MARCHF1: variants seen among roughly 807,000 people sequenced by gnomAD.
The protein encoded by MARCHF1 is E3 ubiquitin-protein ligase MARCHF1.
Under a neutral mutation model 54.2 loss-of-function variants are expected in MARCHF1, and 40 were observed. The ratio of observed to expected loss-of-function variants is 0.74; its 90% CI spans 0.57 to 0.96. MARCHF1 has a LOEUF of 0.96. MARCHF1 is among the 40% of genes least tolerant of loss of function. The probability of loss-of-function intolerance (pLI) is 0.00; values close to 1 mark genes in which losing one functional copy is unlikely to be tolerated. For missense variants in MARCHF1, 586 were observed against 656.5 expected (o/e 0.89, Z 1.17); for synonymous variants, 236 against 236.3 (o/e 1.00, Z 0.01).
intron 1 of MARCHF1, among the ~76,000 whole-genome samples, chr4:164,331,641 CATT>C (rs1735436578): frequency 6.6e-6 from 1 of 152,110 alleles, no homozygotes; most frequent in Non-Finnish European, 1.5e-5. Context: ...TAATTTATCC[CATT>C]TTCCTTCCTT....
rs73868960 is a variant in MARCHF1 at position 163,942,693 on chromosome 4, G to A, written c.-39+45808C>T. On this transcript the variant is annotated intron_variant, in intron 3 of 9. Transcript: ENST00000514618. ...TTCAATATGGCCCTGCACACAAAAT[G>A]TTTTTCCCCTATTTATTCCTCCCCA... Among the ~76,000 whole-genome samples, 662 of 152,210 alleles carry A rather than the reference G, an allele frequency of 4.3e-3. 8 individuals carry two copies. The highest frequency in any genetic ancestry group is 0.015 in the African/African-American group (641 of 41,556).
At chr4:163,698,317 T>G (rs1228674673) in intron 5 of MARCHF1, among the ~76,000 whole-genome samples, 1 of 152,198 alleles carries the variant, frequency 6.6e-6, no homozygotes, top group Non-Finnish European at 1.5e-5. Context: ...ACTTCATGAT[T>G]GAAAAATTAT....
At chr4:163,836,401 A>G (rs181054374) in intron 4 of MARCHF1, among the ~76,000 whole-genome samples, 4,607 of 147,042 alleles carry the variant, frequency 0.031, 202 homozygotes, top group African/African-American at 0.095. Flanking sequence ...ACCCGCCACC[A>G]CGCCCGGCTA....
intron 9 of MARCHF1, among the ~76,000 whole-genome samples, chr4:163,540,705 T>A (rs1372465803): frequency 6.6e-6 from 1 of 152,184 alleles, no homozygotes; most frequent in Non-Finnish European, 1.5e-5. Flanking sequence ...AAAACTGAGC[T>A]TCAGAGTGAT....
At chr4:164,255,898 T>A (rs1733266900) in intron 1 of MARCHF1, among the ~76,000 whole-genome samples, 1 of 152,100 alleles carries the variant, frequency 6.6e-6, no homozygotes, top group East Asian at 1.9e-4. Flanking sequence ...ATAATAAACT[T>A]AATTGCTTTG....
intron 7 of MARCHF1, among the ~76,000 whole-genome samples, chr4:163,600,517 C>G (rs1348382722): frequency 2.0e-5 from 3 of 152,126 alleles, no homozygotes. Context: ...CTGTGGAATG[C>G]TGATTGGAAC....
intron 5 of MARCHF1, among the ~76,000 whole-genome samples, chr4:163,649,310 A>G (rs752813871): frequency 2.5e-4 from 38 of 152,060 alleles, no homozygotes; most frequent in Non-Finnish European, 1.0e-4. Context: ...AGCTACTCTA[A>G]GTTTACTGTC....
intron 1 of MARCHF1, among the ~76,000 whole-genome samples, chr4:164,359,123 A>G (rs1197023268): frequency 6.6e-6 from 1 of 152,160 alleles, no homozygotes; most frequent in East Asian, 1.9e-4. Context: ...TAGGAAAGCA[A>G]TTCTGTTGCT....
intron 4 of MARCHF1, among the ~76,000 whole-genome samples, chr4:163,849,190 T>C (rs1749574631): frequency 2.0e-5 from 3 of 152,206 alleles, no homozygotes; most frequent in African/African-American, 7.2e-5. Context: ...GTTTCACAAG[T>C]TATTACCTAA....
At chr4:164,183,824 T>C (rs1019475528) in intron 1 of MARCHF1, among the ~76,000 whole-genome samples, 2 of 152,038 alleles carry the variant, frequency 1.3e-5, no homozygotes, top group Non-Finnish European at 2.9e-5. Context: ...TATGGGAGCA[T>C]ATAACAGGGA....
chr4:164,294,258 C>T (rs1266216324), intron 1 of MARCHF1, among the ~76,000 whole-genome samples: 1 of 152,192 alleles, frequency 6.6e-6, no homozygotes, highest in Non-Finnish European at 1.5e-5. Flanking sequence ...TTGCAGACAG[C>T]CCACTGTGGC....
intron 1 of MARCHF1, among the ~76,000 whole-genome samples, chr4:164,349,166 G>A (rs1730204746): frequency 6.6e-6 from 1 of 152,078 alleles, no homozygotes; most frequent in East Asian, 1.9e-4. Flanking sequence ...AAATAGATCT[G>A]CCCTGACTCA....
chr4:163,853,968 T>C, intron 4 of MARCHF1, 53 bp downstream of exon 4: 1 of 1,488,796 alleles, frequency 6.7e-7, no homozygotes, highest in Non-Finnish European at 9.0e-7. Flanking sequence ...CACATTTCTT[T>C]AGCATTCTAT....
At chr4:164,173,878 C>A (rs1160725) in intron 1 of MARCHF1, among the ~76,000 whole-genome samples, 97,307 of 151,992 alleles carry the variant, frequency 0.64, 34,192 homozygotes, top group Non-Finnish European at 0.82. Flanking sequence ...TAGAGCATGG[C>A]AAGAGCAGAC....
chr4:164,147,832 AG>A (rs1224831016), intron 1 of MARCHF1, among the ~76,000 whole-genome samples: 1,923 of 134,178 alleles, frequency 0.014, 40 homozygotes, highest in African/African-American at 0.054. Flanking sequence ...TAATAAAAAA[AG>A]TCAATAAAAA....
At chr4:163,820,607 T>A (rs763550107) in intron 4 of MARCHF1, among the ~76,000 whole-genome samples, 1 of 152,050 alleles carries the variant, frequency 6.6e-6, no homozygotes, top group African/African-American at 2.4e-5. Context: ...CTTTCTCACA[T>A]TCTATCCAAA....
intron 2 of MARCHF1, among the ~76,000 whole-genome samples, chr4:164,077,098 C>G (rs1754997494): frequency 6.6e-6 from 1 of 152,088 alleles, no homozygotes. Context: ...AAGAACAAAG[C>G]TGGAGGCATC....
At chr4:163,923,399 T>A (rs181990738) in intron 3 of MARCHF1, among the ~76,000 whole-genome samples, 4 of 152,238 alleles carry the variant, frequency 2.6e-5, no homozygotes, top group Admixed American at 1.3e-4. Flanking sequence ...CCTTTCTACA[T>A]GTTAACAGCA....
chr4:163,949,207 A>G (rs895379041), intron 3 of MARCHF1, among the ~76,000 whole-genome samples: 2 of 152,214 alleles, frequency 1.3e-5, no homozygotes, highest in South Asian at 4.1e-4. Context: ...ACAGCCAAGC[A>G]TGCCGGCTGC....
Sources: allele counts gnomAD v4.1 joint callset (sites outside exome capture counted in the v4.1 genomes callset), GRCh38; gene constraint gnomAD v4.1.1; transcripts MANE v1.5; gene names NCBI Gene and HGNC (gene_info 2026-07-23, HGNC 2026-07-21).